TBC1D31: variants seen among roughly 807,000 people sequenced by gnomAD.
The protein encoded by TBC1D31 is WD repeat domain 67.
In TBC1D31, 99 loss-of-function variants were observed where a neutral mutation model predicts 132.9. That is an observed-to-expected ratio of 0.74 (90% CI 0.63 to 0.88). The LOEUF (loss-of-function observed/expected upper bound fraction) is 0.88, where lower values mean the gene tolerates loss of function less well. TBC1D31 is among the 40% of genes least tolerant of loss of function. The probability of loss-of-function intolerance (pLI) is 0.00; values close to 1 mark genes in which losing one functional copy is unlikely to be tolerated. For synonymous variants in TBC1D31, 385 were observed against 419.4 expected (o/e 0.92, Z 1.00); for missense variants, 1,134 against 1,256.6 (o/e 0.90, Z 1.48).
At chr8:123,123,851 G>T (rs1819737138) in intron 11 of TBC1D31, among the ~76,000 whole-genome samples, 1 of 152,074 alleles carries the variant, frequency 6.6e-6, no homozygotes, top group Admixed American at 6.5e-5. Flanking sequence ...GAATGTCTTT[G>T]GATAGTCTTG....
chr8:123,073,489 C>A (rs1026169288), intron 1 of TBC1D31: 2 of 437,454 alleles, frequency 4.6e-6, no homozygotes, highest in Non-Finnish European at 9.1e-6. Context: ...GTACGGCCAG[C>A]GCTGCTTTTC....
intron 11 of TBC1D31, among the ~76,000 whole-genome samples, chr8:123,121,637 T>C (rs1819498475): frequency 6.6e-6 from 1 of 152,186 alleles, no homozygotes; most frequent in Non-Finnish European, 1.5e-5. Flanking sequence ...CCTCACCTCA[T>C]CTGTCGCTCC....
intron 11 of TBC1D31, among the ~76,000 whole-genome samples, chr8:123,121,358 A>C (rs1819468314): frequency 6.6e-6 from 1 of 152,152 alleles, no homozygotes; most frequent in Admixed American, 6.5e-5. Flanking sequence ...CGGGTCATAA[A>C]ATGTGAATAA....
At chr8:123,157,256 A>G in the TBC1D31 span, among the ~76,000 whole-genome samples, 7 of 152,270 alleles carry the variant, frequency 4.6e-5, no homozygotes, top group South Asian at 8.3e-4. Context: ...CGAACTCACG[A>G]CCTTCAGATT....
chr8:123,102,464 T>G (rs1476029573), intron 7 of TBC1D31: 2 of 332,516 alleles, frequency 6.0e-6, no homozygotes, highest in Non-Finnish European at 1.2e-5. Context: ...ATGTACAGAA[T>G]AGCAAACAGA....
intron 18 of TBC1D31, among the ~76,000 whole-genome samples, chr8:123,141,737 G>C (rs753246563): frequency 2.7e-5 from 4 of 150,144 alleles, no homozygotes; most frequent in Non-Finnish European, 5.9e-5. Context: ...CTCTTCTTCA[G>C]AGTCTCCTCT....
chr8:123,154,730 G>T (rs1822942750), downstream of TBC1D31, among the ~76,000 whole-genome samples: 1 of 152,180 alleles, frequency 6.6e-6, no homozygotes, highest in Admixed American at 6.5e-5. Flanking sequence ...AGACTATAGT[G>T]ACATGGTCAT....
At chr8:123,135,161 A>G (rs1416418831) in intron 17 of TBC1D31, among the ~76,000 whole-genome samples, 1 of 152,222 alleles carries the variant, frequency 6.6e-6, no homozygotes, top group Non-Finnish European at 1.5e-5. Flanking sequence ...CGGCCTCCCG[A>G]AGTGCTAGGA....
chr8:123,100,761 A>G (rs1226865714), intron 6 of TBC1D31, 46 bp from the exon 7 acceptor site: 3 of 1,476,026 alleles, frequency 2.0e-6, no homozygotes, highest in African/African-American at 1.4e-5. Flanking sequence ...ACTTTCAGAC[A>G]TTGACTATCA....
At chr8:123,097,498 G>T in intron 6 of TBC1D31, 57 bp downstream of exon 6, 1 of 1,548,698 alleles carries the variant, frequency 6.5e-7, no homozygotes, top group Non-Finnish European at 8.8e-7. Flanking sequence ...ATCCGTCTCT[G>T]AACTATATTA....
At chr8:123,162,178 C>A in the TBC1D31 span, among the ~76,000 whole-genome samples, 6 of 151,910 alleles carry the variant, frequency 3.9e-5, no homozygotes, top group South Asian at 2.1e-4. Context: ...TACTTCCCCC[C>A]ACAGAATACT....
chr8:123,143,553 T>C (rs1350399639), intron 19 of TBC1D31, among the ~76,000 whole-genome samples: 1 of 152,198 alleles, frequency 6.6e-6, no homozygotes, highest in Non-Finnish European at 1.5e-5. Context: ...AAGATGTAGA[T>C]ACCTGGCTTA....
chr8:123,115,128 A>AT (rs1319888851), intron 10 of TBC1D31, among the ~76,000 whole-genome samples: 1 of 152,124 alleles, frequency 6.6e-6, no homozygotes, highest in East Asian at 1.9e-4. Context: ...CAAATCATTC[A>AT]TTTTTTCTTT....
intron 18 of TBC1D31, among the ~76,000 whole-genome samples, chr8:123,141,547 G>A (rs1821669039): frequency 6.6e-6 from 1 of 152,216 alleles, no homozygotes; most frequent in Admixed American, 6.5e-5. Context: ...TCAAAGAAGA[G>A]CTTTCTCTAT....
chr8:123,158,018 CTT>C, the TBC1D31 span, among the ~76,000 whole-genome samples: 66,253 of 117,588 alleles, frequency 0.56, 17,117 homozygotes, highest in East Asian at 0.68. Flanking sequence ...TTTTTTCTTC[CTT>C]TTTTTTTTTT....
In TBC1D31 at chr8:123,076,153, G is replaced by A. The variant is rs148245004; in HGVS notation, c.78-958G>A. 4.7e-4 allele frequency among the ~76,000 whole-genome samples: 71 copies of A among 152,158 alleles called. No homozygotes were observed. The East Asian group carries it at 0.013, about 29-fold the overall frequency. ...CTTACAGTGTCACCCAGGCAGGAGT[G>A]CGGTGGCATGATCATGGCTCACTGA... On this transcript the variant is annotated intron_variant, in intron 1 of 21. Coordinates refer to ENST00000287380, the MANE Select transcript of TBC1D31 (RefSeq NM_145647.4).
At chr8:123,140,291 G>A (rs1315441190) in intron 17 of TBC1D31, among the ~76,000 whole-genome samples, 1 of 152,194 alleles carries the variant, frequency 6.6e-6, no homozygotes, top group East Asian at 1.9e-4. Flanking sequence ...GAACCCGGGA[G>A]GTGGAGGTTG....
intron 16 of TBC1D31, among the ~76,000 whole-genome samples, chr8:123,133,639 T>C (rs1281158538): frequency 6.6e-6 from 1 of 152,202 alleles, no homozygotes; most frequent in African/African-American, 2.4e-5. Context: ...ATAGGTGAAC[T>C]CTAAATTAAT....
intron 10 of TBC1D31, among the ~76,000 whole-genome samples, chr8:123,117,534 G>C (rs10956121): frequency 0.56 from 84,448 of 151,252 alleles, 23,782 homozygotes; most frequent in Admixed American, 0.62. Flanking sequence ...ACGGGCGGAT[G>C]ACGAGGTCAG....
Sources: gnomAD v4.1 joint callset for allele counts (sites outside exome capture counted in the v4.1 genomes callset) on GRCh38, gnomAD v4.1.1 for gene constraint, MANE v1.5 for transcripts, NCBI Gene and HGNC (gene_info 2026-07-23, HGNC 2026-07-21) for gene names.